The following APOH variants were observed in gnomAD, a reference collection of about 807,000 sequenced individuals.
APOH encodes beta-2-glycoprotein 1.
Under a neutral mutation model 39.8 loss-of-function variants are expected in APOH, and 48 were observed. The observed-to-expected ratio is 1.21, with a 90% CI of 0.96 to 1.54. The LOEUF is 1.54. Ranked by LOEUF, APOH falls within the 40% of genes most tolerant of loss-of-function variation. APOH has a pLI of 0.00. For missense variants in APOH, 415 were observed against 421.2 expected (o/e 0.99, Z 0.13); for synonymous variants, 153 against 151.1 (o/e 1.01, Z -0.09).
chr17:66,212,977 G>C (rs2073344650), intron 7 of APOH, among the ~76,000 whole-genome samples: 1 of 152,176 alleles, frequency 6.6e-6, no homozygotes, highest in Non-Finnish European at 1.5e-5. Context: ...AATTTATTCA[G>C]TGCATTTGTA....
intron 4 of APOH, among the ~76,000 whole-genome samples, chr17:66,223,193 T>C (rs1244839252): frequency 1.3e-5 from 2 of 152,242 alleles, no homozygotes; most frequent in Non-Finnish European, 2.9e-5. Context: ...AAGGCAAAGC[T>C]GCCTCCTTTG....
At chr17:66,212,294 T>C (rs1484934020) in intron 7 of APOH, 106 bp from the exon 8 acceptor site, 9 of 856,172 alleles carry the variant, frequency 1.1e-5, no homozygotes, top group East Asian at 2.7e-5. Flanking sequence ...ATAGAATACA[T>C]GTGATTATGT....
rs2073354006 is a variant in APOH, at chr17:66,214,615, C to T, written c.820G>A (p.Val274Met). The change falls in exon 7 of 8, where the codon GTG becomes ATG. Residue 274 changes from valine to methionine, a missense_variant. Around this residue, in one of 3 missense-constraint regions of APOH, gnomAD observed 120 missense variants for 110.6 expected, o/e 1.08. Coordinates refer to ENST00000205948, the MANE Select transcript of APOH (RefSeq NM_000042.3). ...CKVPVKKATV[V>M]YQGERVKIQE... ...ATCTTTACTCTCTCTCCTTGGTACA[C>T]CACAGTGGCTTTTTTCACAGGTACT... The T allele has an allele frequency of 2.5e-6, 4 of 1,613,628 alleles. No individual in the cohort carries two copies. The highest frequency in any genetic ancestry group is 3.4e-6 in the Non-Finnish European group (4 of 1,179,850).
intron 3 of APOH, 67 bp downstream of exon 3, chr17:66,225,961 A>G (rs2073436720): frequency 1.8e-6 from 2 of 1,090,744 alleles, no homozygotes; most frequent in South Asian, 2.9e-5. Flanking sequence ...ACCAGTCTTG[A>G]TGTTTAGCTT....
intron 5 of APOH, 24 bp from the exon 6 acceptor site, chr17:66,216,991 A>T (rs777028646): frequency 1.9e-6 from 3 of 1,540,692 alleles, no homozygotes; most frequent in African/African-American, 2.8e-5. Context: ...TCAATAAGAC[A>T]TATTAGTAAT....
intron 6 of APOH, among the ~76,000 whole-genome samples, chr17:66,214,939 A>G (rs2073355865): frequency 7.1e-6 from 1 of 140,288 alleles, no homozygotes; most frequent in East Asian, 2.2e-4. Context: ...AAAAAAAAAA[A>G]GCAACTAACA....
intron 4 of APOH, among the ~76,000 whole-genome samples, chr17:66,223,488 G>A (rs1037389434): frequency 1.3e-5 from 2 of 152,214 alleles, no homozygotes; most frequent in Non-Finnish European, 2.9e-5. Context: ...GGAGAATACA[G>A]AATGTGTCCG....
rs8178860 is a variant in APOH, at chr17:66,214,349, G to T, written c.982+104C>A. ...GCTGGGATTACAGGCGTGACCCACC[G>T]CACCTGGCCTCATCTGGTTTTTGAC... On this transcript the variant is annotated intron_variant, in intron 7 of 7. Coordinates refer to ENST00000205948, the MANE Select transcript of APOH (RefSeq NM_000042.3). 9.0e-3 allele frequency: 10,046 copies of T among 1,120,474 alleles called. 59 individuals are homozygous for T. The highest frequency in any genetic ancestry group is 0.011 in the Non-Finnish European group (7,893 of 749,486). The allele number at this position is 1,120,474 out of a possible 1,614,324, so 69.4% of individuals were successfully genotyped here.
rs1433596837 is a variant in APOH, at chr17:66,228,173, G to A, written c.88C>T (p.Pro30Ser). The A allele has an allele frequency of 6.2e-7, 1 of 1,614,072 alleles. No individual in the cohort carries two copies. ...GRTCPKPDDL[P>S]FSTVVPLKTF... ...TTTAACGGGACCACTGTGGAAAATGGTAAATCATCTGGCTTGGGACAGGCT... is the reference window on the plus strand; with the variant it reads ...TTTAACGGGACCACTGTGGAAAATGATAAATCATCTGGCTTGGGACAGGCT... Residue 30 changes from proline (P) to serine (S), a missense_variant, in exon 2 of 8, where the codon CCA becomes TCA. By Grantham distance (74) the Pro-to-Ser change is moderately conservative. Transcript: ENST00000205948.
intron 4 of APOH, among the ~76,000 whole-genome samples, chr17:66,223,327 T>C (rs867062179): frequency 6.1e-5 from 9 of 148,362 alleles, no homozygotes; most frequent in Middle Eastern, 3.4e-3. Flanking sequence ...TTGTTTGATC[T>C]CACTGTTTGC....
Position 66,212,206 on chromosome 17 carries a change from G to C in APOH, c.983-18C>G, listed in dbSNP as rs201802172. 1,251 of 1,606,922 alleles carry C rather than the reference G, an allele frequency of 7.8e-4. 1 individual carries two copies. Among genetic ancestry groups the C allele is most frequent in the Non-Finnish European group, 9.9e-4 (1,163 of 1,174,428 alleles). On this transcript the variant is annotated intron_variant, in intron 7 of 7. Transcript: ENST00000205948. Reference sequence around the variant, plus strand: ...ACTGTGTTCTGTTGGGGGAGAAAAAGATAAACATTCTAAGAGAAACAATCA... The same window carrying C: ...ACTGTGTTCTGTTGGGGGAGAAAAACATAAACATTCTAAGAGAAACAATCA...
intron 4 of APOH, among the ~76,000 whole-genome samples, chr17:66,221,566 C>T (rs1254019283): frequency 6.6e-6 from 1 of 152,102 alleles, no homozygotes; most frequent in African/African-American, 2.4e-5. Flanking sequence ...TTGGAAGATG[C>T]TTCTGGAAGG....
In APOH at chr17:66,226,120, T is replaced by C. The variant is rs772413583; in HGVS notation, c.246A>G (p.Arg82=). ...CTAAGATTCCAGCAAAAGGACATAC[T>C]CTGGCTGTGATACAAAGATAAAAAA... ...WPINTLKCTP[R]VCPFAGILEN... The change falls in exon 3 of 8, where the codon AGA becomes AGG. Residue 82 remains arginine (R), a synonymous_variant. Transcript: ENST00000205948. The C allele has an allele frequency of 1.9e-6, 3 of 1,607,010 alleles. No homozygotes were observed. Among genetic ancestry groups the C allele is most frequent in the Non-Finnish European group, 2.5e-6 (3 of 1,177,000 alleles).
At chr17:66,217,788 C>T (rs781694608) in intron 5 of APOH, among the ~76,000 whole-genome samples, 1 of 151,900 alleles carries the variant, frequency 6.6e-6, no homozygotes, top group Non-Finnish European at 1.5e-5. Flanking sequence ...TCTCTACTAA[C>T]AAAAATTAGC....
At chr17:66,227,286 T>C (rs2073445997) in intron 2 of APOH, among the ~76,000 whole-genome samples, 1 of 152,206 alleles carries the variant, frequency 6.6e-6, no homozygotes, top group Non-Finnish European at 1.5e-5. Flanking sequence ...TCAACTTGCA[T>C]GAACATGCAT....
At chr17:66,226,356 G>T (rs2073439587) in intron 2 of APOH, among the ~76,000 whole-genome samples, 1 of 152,224 alleles carries the variant, frequency 6.6e-6, no homozygotes, top group Non-Finnish European at 1.5e-5. Flanking sequence ...AATTTGGACA[G>T]GCGGGGAGCA....
In APOH at chr17:66,224,484, AAAAAAAAG is replaced by A. The variant is rs1441178002; in HGVS notation, c.339-718_339-711del. 2.5e-4 allele frequency among the ~76,000 whole-genome samples: 36 copies of A among 145,758 alleles called. 1 individual carries two copies. Among genetic ancestry groups the A allele is most frequent in the Non-Finnish European group, 3.6e-4 (24 of 66,230 alleles). The stretch of plus-strand genomic sequence containing the variant: ...GGAAGATCCTGTAAAAAAAAAAAAA[AAAAAAAAG>A]AAAAGAAAAGAAGGAAAGGAAGGAA... On this transcript the variant is annotated intron_variant, in intron 3 of 7. Transcript: ENST00000205948.
At chr17:66,215,639 A>G (rs1260986948) in intron 6 of APOH, among the ~76,000 whole-genome samples, 1 of 152,180 alleles carries the variant, frequency 6.6e-6, no homozygotes, top group East Asian at 1.9e-4. Flanking sequence ...GCCCATAGTG[A>G]CCTGAGCAGA....
rs558145665 is a variant in APOH at position 66,226,038 on chromosome 17, A to G, written c.328T>C (p.Cys110Arg). 16 of 1,611,704 alleles carry G rather than the reference A, an allele frequency of 9.9e-6. 1 individual carries two copies. The South Asian group carries it at 1.7e-4, about 17-fold the overall frequency. ...FEYPNTISFS[C>R]NTGFYLNGAD... ...CATGAAAGTTCTTACCCAGTGTTAC[A>G]AGAAAAACTGATCGTGTTGGGATAT... Residue 110 changes from cysteine to arginine, a missense_variant, in exon 3 of 8, where the codon TGT (cysteine) becomes CGT (arginine). Around this residue, in one of 3 missense-constraint regions of APOH, gnomAD observed 288 missense variants for 284.9 expected, o/e 1.01. Transcript: ENST00000205948.
Sources: gnomAD v4.1 joint callset for allele counts (sites outside exome capture counted in the v4.1 genomes callset) on GRCh38, gnomAD v4.1.1 for gene constraint, gnomAD v4.1.1 regional missense constraint, MANE v1.5 for transcripts, NCBI Gene and HGNC (gene_info 2026-07-23, HGNC 2026-07-21) for gene names.